RASSF8: variants seen among roughly 807,000 people sequenced by gnomAD.
The protein encoded by RASSF8 is Ras association domain family member 8.
Under a neutral mutation model 48.5 loss-of-function variants are expected in RASSF8, and 22 were observed. The ratio of observed to expected loss-of-function variants is 0.45; its 90% CI spans 0.32 to 0.65. The LOEUF is 0.65. Ranked by LOEUF, RASSF8 falls within the 30% of genes least tolerant of loss-of-function variation. The pLI is 0.03. For synonymous variants in RASSF8, 127 were observed against 171.5 expected (o/e 0.74, Z 2.03); for missense variants, 418 against 489.2 (o/e 0.85, Z 1.37).
rs758235928 is a variant in RASSF8, at chr12:26,064,787, A to G, written c.393A>G (p.Thr131=). 1 of 1,614,234 alleles carries G rather than the reference A, an allele frequency of 6.2e-7. No individual in the cohort carries two copies. The highest frequency in any genetic ancestry group is 8.5e-7 in the Non-Finnish European group (1 of 1,180,044). ...GGGAACCGAAAAGGAAATCACTGAC[A>G]TTTACAGGAGGTGCCAAAGGATTAA... ...KRREPKRKSL[T]FTGGAKGLMD... Residue 131 remains threonine (T), a synonymous_variant, in exon 4 of 6, where the codon ACA becomes ACG. Transcript: ENST00000689635.
At position 26,070,496 on chromosome 12, in the gene RASSF8, T is replaced by A. The variant is rs891303858; in HGVS notation, c.*1678T>A. 4 of 984,682 alleles carry A rather than the reference T, an allele frequency of 4.1e-6. No homozygotes were observed. In the African/African-American group the frequency reaches 7.0e-5, roughly 17 times the overall value. 61.0% of individuals were successfully genotyped at this position (984,682 alleles called of 1,614,324 possible). On this transcript the variant is annotated 3_prime_UTR_variant, in exon 6 of 6. Transcript: ENST00000689635. Reference sequence around the variant, plus strand: ...GTTCTTGGAGTTATCAAATTGATCTTGCCATTATGTTACTTTGCAAATAAC... The same window carrying A: ...GTTCTTGGAGTTATCAAATTGATCTAGCCATTATGTTACTTTGCAAATAAC...
At chr12:25,970,548 C>G (rs1003523786) in intron 1 of RASSF8, among the ~76,000 whole-genome samples, 1 of 152,130 alleles carries the variant, frequency 6.6e-6, no homozygotes, top group African/African-American at 2.4e-5. Context: ...AACTGGTCTC[C>G]CCGCCTGAAA....
At chr12:26,065,455 C>T in intron 4 of RASSF8, 68 bp downstream of exon 4, 1 of 1,482,540 alleles carries the variant, frequency 6.7e-7, no homozygotes, top group East Asian at 2.3e-5. Flanking sequence ...ATCTCCTTTT[C>T]ATCATTGTCA....
intron 1 of RASSF8, among the ~76,000 whole-genome samples, chr12:25,987,142 C>T (rs867685042): frequency 1.3e-5 from 2 of 152,142 alleles, no homozygotes; most frequent in African/African-American, 4.8e-5. Context: ...CCATATTGGT[C>T]AGGCTGGTCT....
chr12:26,039,782 T>C (rs963348180), intron 2 of RASSF8, among the ~76,000 whole-genome samples: 2 of 152,262 alleles, frequency 1.3e-5, no homozygotes, highest in African/African-American at 4.8e-5. Flanking sequence ...GCGAAAACTT[T>C]TGCTTTTACT....
intron 1 of RASSF8, among the ~76,000 whole-genome samples, chr12:25,965,709 T>A (rs1192321752): frequency 6.6e-6 from 1 of 152,230 alleles, no homozygotes; most frequent in Non-Finnish European, 1.5e-5. Flanking sequence ...TCCCGTTTCC[T>A]CTAAACCACT....
chr12:25,983,713 A>G (rs1173770554), intron 1 of RASSF8, among the ~76,000 whole-genome samples: 1 of 152,188 alleles, frequency 6.6e-6, no homozygotes, highest in Non-Finnish European at 1.5e-5. Context: ...AAAACAAAAA[A>G]GCTGGAGAAA....
At chr12:25,977,341 G>T (rs1435299985) in intron 1 of RASSF8, among the ~76,000 whole-genome samples, 1 of 152,116 alleles carries the variant, frequency 6.6e-6, no homozygotes, top group African/African-American at 2.4e-5. Flanking sequence ...TGAGATTATG[G>T]GCTATAACCG....
At chr12:26,030,921 C>A (rs888706845) in intron 2 of RASSF8, among the ~76,000 whole-genome samples, 1 of 152,088 alleles carries the variant, frequency 6.6e-6, no homozygotes, top group Non-Finnish European at 1.5e-5. Context: ...ATGAATGAAC[C>A]CGACTGTTTT....
At chr12:26,020,897 A>G (rs1196814018) in intron 2 of RASSF8, among the ~76,000 whole-genome samples, 2 of 152,180 alleles carry the variant, frequency 1.3e-5, no homozygotes, top group Non-Finnish European at 2.9e-5. Context: ...AGGAAAGTAA[A>G]ACAACATGTG....
rs375960730 is a variant in RASSF8 at position 26,065,997 on chromosome 12, G to A, written c.993+610G>A. ...TGAAAAGACCCTGTGATTATGTTGC[G>A]GAAGTTGCAAAGATGTATCAAACAG... On this transcript the variant is annotated intron_variant, in intron 4 of 5. Coordinates refer to ENST00000689635, the MANE Select transcript of RASSF8 (RefSeq NM_001394098.1). Among the ~76,000 whole-genome samples the A allele has an allele frequency of 5.3e-5, 8 of 152,104 alleles. No homozygotes were observed. The East Asian group carries it at 5.8e-4, about 11-fold the overall frequency.
intron 2 of RASSF8, among the ~76,000 whole-genome samples, chr12:26,035,504 A>G (rs1379353954): frequency 1.4e-5 from 2 of 143,328 alleles, no homozygotes; most frequent in Non-Finnish European, 3.0e-5. Context: ...AAATTATATA[A>G]TTATATAATA....
At chr12:25,978,018 G>A (rs1249901578) in intron 1 of RASSF8, among the ~76,000 whole-genome samples, 3 of 152,220 alleles carry the variant, frequency 2.0e-5, no homozygotes, top group East Asian at 3.8e-4. Context: ...GCCTGTTGCT[G>A]AGAGGGTCAC....
At chr12:26,028,932 A>C (rs991725521) in intron 2 of RASSF8, among the ~76,000 whole-genome samples, 2 of 152,150 alleles carry the variant, frequency 1.3e-5, no homozygotes, top group African/African-American at 4.8e-5. Context: ...AAAAAAGCCA[A>C]ATTTGGTGCA....
intron 1 of RASSF8, among the ~76,000 whole-genome samples, chr12:25,970,819 C>T (rs1457599936): frequency 6.6e-6 from 1 of 152,180 alleles, no homozygotes; most frequent in African/African-American, 2.4e-5. Flanking sequence ...AATAAGACTT[C>T]CCATGCATTG....
At chr12:25,980,123 G>T (rs1941705317) in intron 1 of RASSF8, among the ~76,000 whole-genome samples, 1 of 152,134 alleles carries the variant, frequency 6.6e-6, no homozygotes, top group African/African-American at 2.4e-5. Flanking sequence ...CGACCTCCAT[G>T]GTTAAAAACC....
chr12:26,072,427 AT>A lies in RASSF8; in HGVS notation c.*3613del. On this transcript the variant is annotated 3_prime_UTR_variant, in exon 6 of 6. Coordinates refer to ENST00000689635, the MANE Select transcript of RASSF8 (RefSeq NM_001394098.1). Reference sequence around the variant, plus strand: ...AAGCTGCAGGAGCTCTTTTCAATGCATTTTATATATTTTTAGAAACCAAATA... The same window carrying A: ...AAGCTGCAGGAGCTCTTTTCAATGCATTTATATATTTTTAGAAACCAAATA... The A allele has an allele frequency of 1.0e-6, 1 of 976,472 alleles. No individual in the cohort carries two copies. The highest frequency in any genetic ancestry group is 1.2e-6 in the Non-Finnish European group (1 of 821,800). The allele number at this position is 976,472 out of a possible 1,614,324, so 60.5% of individuals were successfully genotyped here.
chr12:25,999,409 T>C (rs190892878), intron 2 of RASSF8, among the ~76,000 whole-genome samples: 1 of 152,282 alleles, frequency 6.6e-6, no homozygotes, highest in Non-Finnish European at 1.5e-5. Context: ...TGACCTAAAA[T>C]TATTAGAATT....
chr12:26,001,382 T>G (rs1342115514), intron 2 of RASSF8, among the ~76,000 whole-genome samples: 1 of 152,036 alleles, frequency 6.6e-6, no homozygotes, highest in African/African-American at 2.4e-5. Flanking sequence ...ATTTTTATTC[T>G]TCAATATGAA....
Sources: allele counts gnomAD v4.1 joint callset (sites outside exome capture counted in the v4.1 genomes callset), GRCh38; gene constraint gnomAD v4.1.1; transcripts MANE v1.5; gene names NCBI Gene and HGNC (gene_info 2026-07-23, HGNC 2026-07-21).